The following PSPC1 variants were observed in gnomAD, a reference collection of about 807,000 sequenced individuals.
PSPC1 encodes the protein paraspeckle component 1, also known as paraspeckle protein 1.
PSPC1 carries 14 observed loss-of-function variants against 51.6 expected under a neutral mutation model. The observed-to-expected ratio is 0.27, with a 90% CI of 0.18 to 0.42. The LOEUF (loss-of-function observed/expected upper bound fraction) is 0.42, where lower values mean the gene tolerates loss of function less well. Ranked by LOEUF, PSPC1 falls within the 10% of genes least tolerant of loss-of-function variation. PSPC1 has a pLI of 1.00. For missense variants in PSPC1, 406 were observed against 701.1 expected (o/e 0.58, Z 4.75); for synonymous variants, 193 against 231.9 (o/e 0.83, Z 1.53).
intron 7 of PSPC1, among the ~76,000 whole-genome samples, chr13:19,677,102 A>T (rs112471587): frequency 6.6e-6 from 1 of 152,010 alleles, no homozygotes; most frequent in Non-Finnish European, 1.5e-5. Context: ...GCATGGTGGC[A>T]GGCGCCTGTG....
chr13:19,762,145 T>C (rs1887655822), intron 2 of PSPC1, among the ~76,000 whole-genome samples: 1 of 152,200 alleles, frequency 6.6e-6, no homozygotes, highest in Non-Finnish European at 1.5e-5. Flanking sequence ...AGAGGAGAAG[T>C]ACAGATTTCT....
At chr13:19,764,910 T>A (rs1283026504) in intron 2 of PSPC1, among the ~76,000 whole-genome samples, 1 of 151,614 alleles carries the variant, frequency 6.6e-6, no homozygotes, top group Non-Finnish European at 1.5e-5. Context: ...ATTTTTTTAT[T>A]TTTCTTTTGT....
Position 19,711,500 on chromosome 13 carries a change from T to C in PSPC1, c.1159-1901A>G, listed in dbSNP as rs368157331. Among the ~76,000 whole-genome samples the C allele has an allele frequency of 5.3e-5, 8 of 151,526 alleles. 1 individual carries two copies. The highest frequency in any genetic ancestry group is 1.9e-4 in the African/African-American group (8 of 41,300). ...AAATACAAAAAAAATTAGCCAGGTGTGGTGGCAGGCGCCCGTAGTCCCAAC... is the reference window on the plus strand; with the variant it reads ...AAATACAAAAAAAATTAGCCAGGTGCGGTGGCAGGCGCCCGTAGTCCCAAC... On this transcript the variant is annotated intron_variant, in intron 6 of 8. Coordinates refer to ENST00000338910, the MANE Select transcript of PSPC1 (RefSeq NM_001354909.2).
rs868329469 is a variant in PSPC1 at position 19,696,516 on chromosome 13, T to C, written c.1159-18693A>G. On this transcript the variant is annotated intron_variant and NMD_transcript_variant, in intron 6 of 7. Coordinates refer to the PSPC1 transcript ENST00000471658. ...ACACACACGCACACACACACACACA[T>C]ACGCACACACACACACATATCTGAC... Among the ~76,000 whole-genome samples the C allele has an allele frequency of 1.4e-3, 198 of 146,532 alleles. 1 individual carries two copies. Among genetic ancestry groups the C allele is most frequent in the African/African-American group, 4.7e-3 (184 of 39,186 alleles).
intron 6 of PSPC1, among the ~76,000 whole-genome samples, chr13:19,697,390 G>C (rs914436282): frequency 6.6e-6 from 1 of 152,132 alleles, no homozygotes; most frequent in Non-Finnish European, 1.5e-5. Context: ...TTTTTCCACT[G>C]TTGTATCTTA....
In PSPC1 at chr13:19,703,030, C is replaced by T. The variant is rs1233910289; in HGVS notation, c.*145G>A. On this transcript the variant is annotated 3_prime_UTR_variant, in exon 9 of 9. Coordinates refer to ENST00000338910, the MANE Select transcript of PSPC1 (RefSeq NM_001354909.2). ...CAAAGCTCATGAATAAAGAAAAATA[C>T]AAAAACCTCAAGTTTTACAAAAAAA... The T allele has an allele frequency of 2.1e-5, 11 of 515,970 alleles. No homozygotes were observed. Among genetic ancestry groups the T allele is most frequent in the South Asian group, 1.2e-4 (4 of 33,960 alleles). 32.0% of individuals were successfully genotyped at this position (515,970 alleles called of 1,614,324 possible). A position where few individuals can be genotyped will look rare whatever the true frequency, so the allele number is the denominator to read the frequency against.
intron 6 of PSPC1, among the ~76,000 whole-genome samples, chr13:19,691,309 C>A (rs1878511099): frequency 6.6e-6 from 1 of 151,868 alleles, no homozygotes; most frequent in South Asian, 2.1e-4. Context: ...TCATTTGAGA[C>A]AAGGAGTTTG....
intron 6 of PSPC1, among the ~76,000 whole-genome samples, chr13:19,712,919 A>G (rs1356428399): frequency 6.6e-6 from 1 of 152,164 alleles, no homozygotes; most frequent in Non-Finnish European, 1.5e-5. Context: ...TCATGTCTTC[A>G]GGCTGTTACT....
At chr13:19,727,030 TGAAA>T (rs1883429428) in intron 6 of PSPC1, among the ~76,000 whole-genome samples, 1 of 152,214 alleles carries the variant, frequency 6.6e-6, no homozygotes. Context: ...GCAGGAAACC[TGAAA>T]AGGGTATGAA....
At chr13:19,686,604 C>T in intron 6 of PSPC1, among the ~76,000 whole-genome samples, 1 of 152,222 alleles carries the variant, frequency 6.6e-6, no homozygotes, top group East Asian at 1.9e-4. Flanking sequence ...AATTTACTAT[C>T]ACTCTGCATC....
intron 1 of PSPC1, among the ~76,000 whole-genome samples, chr13:19,776,403 C>G (rs966218227): frequency 6.6e-6 from 1 of 152,004 alleles, no homozygotes; most frequent in Non-Finnish European, 1.5e-5. Flanking sequence ...GAAGTGGAGG[C>G]TAGAGTGAGC....
At chr13:19,686,548 C>G (rs1281467900) in intron 6 of PSPC1, among the ~76,000 whole-genome samples, 1 of 152,204 alleles carries the variant, frequency 6.6e-6, no homozygotes, top group African/African-American at 2.4e-5. Context: ...GTAACAGCGG[C>G]TGCCCCTGGA....
chr13:19,763,580 C>T (rs1887784196), intron 2 of PSPC1, among the ~76,000 whole-genome samples: 2 of 152,154 alleles, frequency 1.3e-5, no homozygotes, highest in South Asian at 2.1e-4. Context: ...CCTGCGCTAG[C>T]TGAAGTTTTC....
intron 6 of PSPC1, among the ~76,000 whole-genome samples, chr13:19,687,409 C>G (rs1013480557): frequency 4.6e-5 from 7 of 152,094 alleles, no homozygotes; most frequent in African/African-American, 1.7e-4. Context: ...TATCTCAGCC[C>G]CCTAACCTAT....
downstream of PSPC1, among the ~76,000 whole-genome samples, chr13:19,674,055 C>T (rs1876340201): frequency 1.3e-5 from 2 of 152,180 alleles, no homozygotes; most frequent in South Asian, 4.1e-4. Context: ...TAGGTGATCT[C>T]AGGACTAAGA....
intron 6 of PSPC1, among the ~76,000 whole-genome samples, chr13:19,688,935 G>A (rs1878240207): frequency 7.1e-6 from 1 of 141,232 alleles, no homozygotes; most frequent in Admixed American, 7.7e-5. Context: ...TAATACATAA[G>A]TTACTTTTAA....
At chr13:19,769,500 C>G (rs1888411599) in intron 2 of PSPC1, among the ~76,000 whole-genome samples, 1 of 152,184 alleles carries the variant, frequency 6.6e-6, no homozygotes, top group Non-Finnish European at 1.5e-5. Flanking sequence ...TTGAAGTGAG[C>G]TGAGATCGCG....
intron 7 of PSPC1, among the ~76,000 whole-genome samples, chr13:19,677,338 C>A (rs1467022935): frequency 2.0e-5 from 3 of 152,060 alleles, no homozygotes; most frequent in African/African-American, 4.8e-5. Context: ...TTTACAAAGA[C>A]CTTTTTTTTC....
Position 19,750,806 on chromosome 13 carries a change from G to T in PSPC1, c.967+465C>A, listed in dbSNP as rs910408869. The stretch of plus-strand genomic sequence containing the variant: ...TTTTTTTTGAGACAGTTTTGCTCTT[G>T]TTGCCCAGGCTGGAGCACAATGATG... On this transcript the variant is annotated intron_variant, in intron 4 of 8. Transcript: ENST00000338910. 1.1e-4 allele frequency among the ~76,000 whole-genome samples: 16 copies of T among 150,834 alleles called. 1 individual carries two copies. Among genetic ancestry groups the T allele is most frequent in the Middle Eastern group, 6.8e-3 (2 of 292 alleles).
Sources: allele counts gnomAD v4.1 joint callset (sites outside exome capture counted in the v4.1 genomes callset), GRCh38; gene constraint gnomAD v4.1.1; transcripts MANE v1.5; gene names NCBI Gene and HGNC (gene_info 2026-07-23, HGNC 2026-07-21).